The following CDH13 variants were observed in gnomAD, a reference collection of about 807,000 sequenced individuals.
The protein encoded by CDH13 is cadherin-13.
In CDH13, 24 loss-of-function variants were observed where a neutral mutation model predicts 63.8. That is an observed-to-expected ratio of 0.38 (90% CI 0.27 to 0.53). The LOEUF (loss-of-function observed/expected upper bound fraction) is 0.53, where lower values mean the gene tolerates loss of function less well. Ranked by LOEUF, CDH13 falls within the 20% of genes least tolerant of loss-of-function variation. The pLI is 0.85. For missense variants in CDH13, 1,049 were observed against 903.1 expected (o/e 1.16, Z -2.07); for synonymous variants, 503 against 355.3 (o/e 1.42, Z -4.67).
At chr16:83,400,396 C>T (rs571738392) in intron 6 of CDH13, among the ~76,000 whole-genome samples, 83 of 152,176 alleles carry the variant, frequency 5.5e-4, no homozygotes, top group African/African-American at 1.8e-3. Context: ...TGGGTTGGGA[C>T]GGCTACCGGA....
intron 8 of CDH13, among the ~76,000 whole-genome samples, chr16:83,623,166 C>G (rs773400198): frequency 3.0e-4 from 45 of 152,120 alleles, no homozygotes; most frequent in African/African-American, 4.1e-4. Context: ...CTGAGGCATA[C>G]AAGAGCCCGG....
intron 3 of CDH13, among the ~76,000 whole-genome samples, chr16:83,094,274 T>G (rs2034082153): frequency 6.6e-6 from 1 of 152,150 alleles, no homozygotes; most frequent in African/African-American, 2.4e-5. Flanking sequence ...GTCATTGCAA[T>G]GGGGTTACTG....
At chr16:82,984,836 C>T (rs1459002400) in intron 2 of CDH13, among the ~76,000 whole-genome samples, 2 of 152,166 alleles carry the variant, frequency 1.3e-5, no homozygotes, top group Non-Finnish European at 2.9e-5. Context: ...TAACCCAGAG[C>T]TTGGAACACA....
chr16:83,511,788 T>A (rs2074572327), intron 7 of CDH13, among the ~76,000 whole-genome samples: 1 of 152,108 alleles, frequency 6.6e-6, no homozygotes, highest in African/African-American at 2.4e-5. Context: ...ATGCTTACAA[T>A]GGGAATCTGA....
At chr16:83,234,534 G>A (rs1471445223) in intron 5 of CDH13, among the ~76,000 whole-genome samples, 1 of 152,152 alleles carries the variant, frequency 6.6e-6, no homozygotes, top group Non-Finnish European at 1.5e-5. Context: ...CTGCTCCAGT[G>A]CAACTGATGC....
chr16:83,714,327 T>C (rs1908561723), intron 10 of CDH13, among the ~76,000 whole-genome samples: 1 of 152,168 alleles, frequency 6.6e-6, no homozygotes, highest in Non-Finnish European at 1.5e-5. Context: ...AAATACTTAA[T>C]AGAAATGAAA....
At chr16:82,785,258 C>G (rs8048332) in intron 1 of CDH13, among the ~76,000 whole-genome samples, 23,412 of 152,104 alleles carry the variant, frequency 0.15, 1,945 homozygotes, top group African/African-American at 0.2. Flanking sequence ...GAAAGGCTGC[C>G]CACCAGTCCC....
chr16:83,026,024 T>C (rs914936091), intron 2 of CDH13, among the ~76,000 whole-genome samples: 4 of 152,180 alleles, frequency 2.6e-5, no homozygotes, highest in African/African-American at 9.6e-5. Context: ...GAAAGAACCA[T>C]GGCCTAAAGC....
At chr16:82,800,419 A>C (rs547687567) in intron 1 of CDH13, among the ~76,000 whole-genome samples, 1 of 152,280 alleles carries the variant, frequency 6.6e-6, no homozygotes, top group African/African-American at 2.4e-5. Context: ...GTGATACCCA[A>C]ATCATAAATC....
chr16:82,697,868 G>T lies in CDH13; in HGVS notation c.45+70731G>T, dbSNP rs528940643. ...ATATTTGCACTGCTGATAATAGCTTGTAATAAAGCTGTGGAACTATACTGT... is the reference window on the plus strand; with the variant it reads ...ATATTTGCACTGCTGATAATAGCTTTTAATAAAGCTGTGGAACTATACTGT... On this transcript the variant is annotated intron_variant, in intron 1 of 13. Coordinates refer to ENST00000567109, the MANE Select transcript of CDH13 (RefSeq NM_001257.5). 5.9e-5 allele frequency among the ~76,000 whole-genome samples: 9 copies of T among 152,126 alleles called. No homozygotes were observed. The South Asian group carries it at 1.7e-3, about 28-fold the overall frequency.
intron 1 of CDH13, among the ~76,000 whole-genome samples, chr16:82,769,775 C>T (rs1014590127): frequency 6.6e-6 from 1 of 152,160 alleles, no homozygotes; most frequent in Non-Finnish European, 1.5e-5. Flanking sequence ...CCTGGCTTTT[C>T]TAATGCATCA....
At position 83,670,947 on chromosome 16, in the gene CDH13, A is replaced by G; in HGVS notation, c.1259A>G (p.Asn420Ser). The stretch of plus-strand genomic sequence containing the variant: ...GAAATCCACACCAACCCTCAAACCA[A>G]CGAAGGGATGCTTTCTGTTGTCAAA... ...SFEIHTNPQTNEGMLSVVKPL... is the reference protein window; with the variant it reads ...SFEIHTNPQTSEGMLSVVKPL... The change falls in exon 9 of 14, where the codon AAC becomes AGC. Residue 420 changes from asparagine (N) to serine (S), a missense_variant. By Grantham distance (46) the Asn-to-Ser change is conservative. Coordinates refer to ENST00000567109, the MANE Select transcript of CDH13 (RefSeq NM_001257.5). 6.2e-7 allele frequency: 1 copy of G among 1,602,332 alleles called. No homozygotes were observed. The highest frequency in any genetic ancestry group is 8.5e-7 in the Non-Finnish European group (1 of 1,172,038).
At chr16:83,266,780 A>C (rs78314939) in intron 5 of CDH13, among the ~76,000 whole-genome samples, 4,405 of 152,156 alleles carry the variant, frequency 0.029, 220 homozygotes, top group African/African-American at 0.1. Context: ...TATGAAGTAC[A>C]CTTTTCTTCT....
intron 6 of CDH13, among the ~76,000 whole-genome samples, chr16:83,411,686 C>G (rs1018936077): frequency 1.3e-5 from 2 of 152,134 alleles, no homozygotes; most frequent in East Asian, 3.8e-4. Context: ...ACCTTTTGTT[C>G]TCTGATATGT....
intron 6 of CDH13, among the ~76,000 whole-genome samples, chr16:83,399,849 C>T (rs1385795985): frequency 2.0e-5 from 3 of 152,180 alleles, no homozygotes; most frequent in African/African-American, 4.8e-5. Flanking sequence ...GGCATTCAAA[C>T]AGCTGTGAGA....
chr16:82,944,636 G>T (rs1210724031), intron 2 of CDH13, among the ~76,000 whole-genome samples: 1 of 152,142 alleles, frequency 6.6e-6, no homozygotes, highest in Non-Finnish European at 1.5e-5. Flanking sequence ...GCCTATCATA[G>T]CAGAATTATC....
At chr16:83,558,935 G>T (rs374816398) in intron 7 of CDH13, among the ~76,000 whole-genome samples, 2 of 145,524 alleles carry the variant, frequency 1.4e-5, no homozygotes, top group Non-Finnish European at 3.0e-5. Flanking sequence ...CACAAGGGCA[G>T]ACAGAGAGGT....
intron 1 of CDH13, among the ~76,000 whole-genome samples, chr16:82,774,600 C>G (rs2035410234): frequency 6.6e-6 from 1 of 152,170 alleles, no homozygotes; most frequent in Non-Finnish European, 1.5e-5. Flanking sequence ...GTGCCATGTC[C>G]TTTCATATAG....
At chr16:83,753,406 C>G (rs889646587) in intron 11 of CDH13, among the ~76,000 whole-genome samples, 1 of 152,096 alleles carries the variant, frequency 6.6e-6, no homozygotes, top group Non-Finnish European at 1.5e-5. Context: ...TAGTCATGCA[C>G]AGTGGCACAT....
Sources: gnomAD v4.1 joint callset for allele counts (sites outside exome capture counted in the v4.1 genomes callset) on GRCh38, gnomAD v4.1.1 for gene constraint, MANE v1.5 for transcripts, NCBI Gene and HGNC (gene_info 2026-07-23, HGNC 2026-07-21) for gene names.